The following OPCML variants were observed in gnomAD, a reference collection of about 807,000 sequenced individuals.
OPCML encodes opioid-binding protein/cell adhesion molecule.
In OPCML, 13 loss-of-function variants were observed where a neutral mutation model predicts 37.8. The ratio of observed to expected loss-of-function variants is 0.34; its 90% CI spans 0.22 to 0.55. The LOEUF is 0.55. Ranked by LOEUF, OPCML falls within the 20% of genes least tolerant of loss-of-function variation. The probability of loss-of-function intolerance (pLI) is 0.91; values close to 1 mark genes in which losing one functional copy is unlikely to be tolerated. For synonymous variants in OPCML, 176 were observed against 168.8 expected (o/e 1.04, Z -0.33); for missense variants, 341 against 435.6 (o/e 0.78, Z 1.93).
intron 2 of OPCML, among the ~76,000 whole-genome samples, chr11:132,738,012 A>G (rs1172414026): frequency 1.3e-5 from 2 of 152,098 alleles, no homozygotes; most frequent in Admixed American, 6.6e-5. Flanking sequence ...TAACTGCTCA[A>G]TATTAATCAG....
At chr11:132,528,266 C>G (rs2512706) in intron 4 of OPCML, among the ~76,000 whole-genome samples, 62,406 of 151,364 alleles carry the variant, frequency 0.41, 15,067 homozygotes, top group Non-Finnish European at 0.55. Context: ...TGTTATGTAG[C>G]CATATTCCAT....
At chr11:133,168,476 A>G (rs1045173154) in intron 1 of OPCML, among the ~76,000 whole-genome samples, 3 of 152,234 alleles carry the variant, frequency 2.0e-5, no homozygotes, top group Admixed American at 6.5e-5. Context: ...TTTTGGGGTT[A>G]ATAAGAAATG....
chr11:132,875,041 G>A lies in OPCML; in HGVS notation c.146+67885C>T, dbSNP rs550374382. Reference sequence around the variant, plus strand: ...AAGATTTTCTAAAAATATAATCTACGCAAGTTTTTAAGCATACCAACTATT... The same window carrying A: ...AAGATTTTCTAAAAATATAATCTACACAAGTTTTTAAGCATACCAACTATT... On this transcript the variant is annotated intron_variant, in intron 2 of 7. Transcript: ENST00000524381. 2.6e-5 allele frequency among the ~76,000 whole-genome samples: 4 copies of A among 152,194 alleles called. No individual in the cohort carries two copies. In the South Asian group the frequency reaches 6.2e-4, roughly 24 times the overall value.
chr11:132,750,036 C>T (rs1367818645), intron 2 of OPCML, among the ~76,000 whole-genome samples: 1 of 152,070 alleles, frequency 6.6e-6, no homozygotes, highest in African/African-American at 2.4e-5. Flanking sequence ...GTGCCTGCCA[C>T]CATGCCTGGT....
intron 7 of OPCML, among the ~76,000 whole-genome samples, chr11:132,423,977 G>A (rs1252633484): frequency 1.3e-5 from 2 of 152,192 alleles, no homozygotes; most frequent in African/African-American, 4.8e-5. Context: ...CAGCTGCATG[G>A]ACTTCTCCAG....
At chr11:133,054,487 G>T (rs1948186027) in intron 1 of OPCML, among the ~76,000 whole-genome samples, 1 of 152,136 alleles carries the variant, frequency 6.6e-6, no homozygotes, top group Admixed American at 6.5e-5. Flanking sequence ...TGTTACTTTT[G>T]CCTGGAACAC....
chr11:133,229,449 T>G (rs540984817), intron 1 of OPCML, among the ~76,000 whole-genome samples: 1 of 152,148 alleles, frequency 6.6e-6, no homozygotes, highest in Non-Finnish European at 1.5e-5. Context: ...GTAAAGTACT[T>G]CCTTTAAGGG....
chr11:133,261,296 T>C (rs1465606178), intron 1 of OPCML, among the ~76,000 whole-genome samples: 2 of 152,232 alleles, frequency 1.3e-5, no homozygotes, highest in Non-Finnish European at 2.9e-5. Flanking sequence ...TTCTGAGCTA[T>C]GATCTGATTG....
In OPCML at chr11:132,434,267, T is replaced by A. The variant is rs370607385; in HGVS notation, c.916+1819A>T. Among the ~76,000 whole-genome samples, 28 of 152,332 alleles carry A rather than the reference T, an allele frequency of 1.8e-4. No homozygotes were observed. The South Asian group carries it at 5.4e-3, about 29-fold the overall frequency. On this transcript the variant is annotated intron_variant, in intron 7 of 7. Coordinates refer to ENST00000524381, the MANE Select transcript of OPCML (RefSeq NM_001012393.5). Reference sequence around the variant, plus strand: ...GATCAAGAGCTGTGAGCAGTGATAGTTGAGGAGCTGATTTCAGGTCTAGAA... The same window carrying A: ...GATCAAGAGCTGTGAGCAGTGATAGATGAGGAGCTGATTTCAGGTCTAGAA...
intron 3 of OPCML, among the ~76,000 whole-genome samples, chr11:132,648,782 G>A (rs908294527): frequency 9.2e-5 from 14 of 152,140 alleles, no homozygotes; most frequent in Admixed American, 3.9e-4. Context: ...ACTCTCAAGC[G>A]GAAGTGCTGC....
At chr11:132,583,819 G>A (rs2096466937) in intron 3 of OPCML, among the ~76,000 whole-genome samples, 1 of 151,590 alleles carries the variant, frequency 6.6e-6, no homozygotes, top group African/African-American at 2.4e-5. Context: ...TCCCCATGTT[G>A]GTCAGGCTGG....
chr11:133,521,775 CT>C, intron 1 of OPCML, among the ~76,000 whole-genome samples: 1 of 152,326 alleles, frequency 6.6e-6, no homozygotes, highest in Non-Finnish European at 1.5e-5. Context: ...ATCCTCCTCT[CT>C]TTGAGGGGTA....
chr11:133,098,233 G>A (rs1268848891), intron 1 of OPCML, among the ~76,000 whole-genome samples: 2 of 66,452 alleles, frequency 3.0e-5, no homozygotes, highest in South Asian at 7.7e-4. Flanking sequence ...TTTTTTTTTT[G>A]GAGATGGAGT....
At chr11:132,660,198 A>G (rs948076988) in intron 2 of OPCML, among the ~76,000 whole-genome samples, 15 of 152,312 alleles carry the variant, frequency 9.8e-5, no homozygotes, top group African/African-American at 3.6e-4. Flanking sequence ...AATGAGATGG[A>G]GTTCAGGATC....
chr11:133,415,084 C>G (rs1945731525), intron 1 of OPCML, among the ~76,000 whole-genome samples: 1 of 152,132 alleles, frequency 6.6e-6, no homozygotes, highest in African/African-American at 2.4e-5. Context: ...TTCTCAAGCT[C>G]TTTCATAGAA....
At chr11:132,981,132 C>A (rs1317156064) in intron 1 of OPCML, among the ~76,000 whole-genome samples, 1 of 152,192 alleles carries the variant, frequency 6.6e-6, no homozygotes, top group African/African-American at 2.4e-5. Flanking sequence ...TTGATCCAAA[C>A]GTCGTTACGC....
At chr11:133,413,085 C>T (rs567712289) in intron 1 of OPCML, among the ~76,000 whole-genome samples, 7 of 152,068 alleles carry the variant, frequency 4.6e-5, no homozygotes, top group Middle Eastern at 6.8e-3. Flanking sequence ...GACCAGGACA[C>T]GGGACTGTAA....
At chr11:132,480,464 A>G (rs1419482864) in intron 4 of OPCML, among the ~76,000 whole-genome samples, 9 of 152,206 alleles carry the variant, frequency 5.9e-5, no homozygotes, top group Non-Finnish European at 4.4e-5. Flanking sequence ...TCTCCAGGAG[A>G]ACTTCCCCAA....
At chr11:132,614,130 G>A (rs1463884659) in intron 3 of OPCML, among the ~76,000 whole-genome samples, 2 of 152,020 alleles carry the variant, frequency 1.3e-5, no homozygotes, top group Non-Finnish European at 2.9e-5. Flanking sequence ...CATGCCTTAG[G>A]CCTACTGCCT....
Sources: gnomAD v4.1 joint callset for allele counts (sites outside exome capture counted in the v4.1 genomes callset) on GRCh38, gnomAD v4.1.1 for gene constraint, MANE v1.5 for transcripts, NCBI Gene and HGNC (gene_info 2026-07-23, HGNC 2026-07-21) for gene names.